GLIPR1L2: variants seen among roughly 807,000 people sequenced by gnomAD.
GLIPR1L2 encodes the protein GLIPR1-like protein 2.
GLIPR1L2 carries 21 observed loss-of-function variants against 28.4 expected under a neutral mutation model. The ratio of observed to expected loss-of-function variants is 0.74; its 90% CI spans 0.52 to 1.06. GLIPR1L2 has a LOEUF of 1.06. GLIPR1L2 is among the 50% of genes least tolerant of loss of function. GLIPR1L2 has a pLI of 0.00. For missense variants in GLIPR1L2, 476 were observed against 416.9 expected (o/e 1.14, Z -1.23); for synonymous variants, 145 against 139.3 (o/e 1.04, Z -0.29).
chr12:75,428,793 C>A (rs755665352), intron 4 of GLIPR1L2, among the ~76,000 whole-genome samples: 11 of 152,202 alleles, frequency 7.2e-5, no homozygotes, highest in Non-Finnish European at 1.5e-4. Context: ...CTCAAAGGGG[C>A]CAAGGTACAG....
In GLIPR1L2 at chr12:75,412,433, A is replaced by T. The variant is rs9795601; in HGVS notation, c.481-1165A>T. 4.1e-3 allele frequency among the ~76,000 whole-genome samples: 622 copies of T among 151,892 alleles called. 3 individuals carry two copies. Among genetic ancestry groups the T allele is most frequent in the African/African-American group, 0.014 (595 of 41,452 alleles). On this transcript the variant is annotated intron_variant, in intron 2 of 5. Coordinates refer to ENST00000550916, the MANE Select transcript of GLIPR1L2 (RefSeq NM_001270396.2). ...ACCTACAAAATGGGGGAAAATTTTC[A>T]CAACCTACACATCTGACAAAGGGCT...
rs540962764 is a variant in GLIPR1L2, at chr12:75,400,742, A to C, written c.234+9392A>C. Among the ~76,000 whole-genome samples the C allele has an allele frequency of 8.3e-4, 126 of 152,310 alleles. 1 individual carries two copies. Among genetic ancestry groups the C allele is most frequent in the African/African-American group, 2.8e-3 (115 of 41,586 alleles). ...CACTGGAGATTATAAGTGATAAAGC[A>C]TTCATGAAACAAAAAATATATACAG... On this transcript the variant is annotated intron_variant, in intron 1 of 5. Transcript: ENST00000550916.
chr12:75,404,947 A>G (rs2045780168), intron 1 of GLIPR1L2, among the ~76,000 whole-genome samples: 1 of 152,204 alleles, frequency 6.6e-6, no homozygotes, highest in Non-Finnish European at 1.5e-5. Flanking sequence ...TTTTAAACAT[A>G]AGTTTAAGTT....
In GLIPR1L2 at chr12:75,391,121, A is replaced by T. The variant is rs780961274; in HGVS notation, c.5A>T (p.Glu2Val). ...CCTGTCAGCGGCCGGTGGACCATGG[A>T]GGCCGCAAGGCCCTTCGCCCGGGAG... M[E>V]AARPFAREWR... The change falls in exon 1 of 6, where the codon GAG (glutamate) becomes GTG (valine). Residue 2 changes from glutamate to valine, a missense_variant. By Grantham distance (121) the Glu-to-Val change is moderately radical. Transcript: ENST00000550916. 1.2e-6 allele frequency: 2 copies of T among 1,611,646 alleles called. No homozygotes were observed. Among genetic ancestry groups the T allele is most frequent in the East Asian group, 2.2e-5 (1 of 44,834 alleles).
chr12:75,425,292 A>T (rs1003689994), intron 4 of GLIPR1L2, among the ~76,000 whole-genome samples: 1 of 152,122 alleles, frequency 6.6e-6, no homozygotes, highest in Non-Finnish European at 1.5e-5. Flanking sequence ...GGCCAAGAAG[A>T]ATAAGGAGAA....
At chr12:75,429,603 G>C (rs2046069586) in intron 4 of GLIPR1L2, among the ~76,000 whole-genome samples, 1 of 152,086 alleles carries the variant, frequency 6.6e-6, no homozygotes, top group Admixed American at 6.6e-5. Context: ...GATTTGGAAG[G>C]GGCTGTGGCA....
At chr12:75,398,328 C>CAAAAAAAAAAA (rs71078729) in intron 1 of GLIPR1L2, among the ~76,000 whole-genome samples, 6 of 87,908 alleles carry the variant, frequency 6.8e-5, no homozygotes, top group African/African-American at 1.4e-4. Context: ...GACTCCATCT[C>CAAAAAAAAAAA]AAAAAAAAAA....
intron 3 of GLIPR1L2, among the ~76,000 whole-genome samples, chr12:75,417,983 AAT>A (rs2045939838): frequency 6.6e-6 from 1 of 152,144 alleles, no homozygotes; most frequent in Admixed American, 6.6e-5. Flanking sequence ...GACCTAGGAA[AAT>A]ATATAGAGTG....
rs1319316582 is a variant in GLIPR1L2, at chr12:75,431,093, G to C, written c.967G>C (p.Glu323Gln). The change falls in exon 6 of 6, where the codon GAA becomes CAA. Residue 323 changes from glutamate to glutamine, a missense_variant. Coordinates refer to ENST00000550916, the MANE Select transcript of GLIPR1L2 (RefSeq NM_001270396.2). ...MEMEIMEMEE[E>Q]KEEREEEEEE... ...AATGGAAATAATGGAAATGGAGGAG[G>C]AAAAAGAAGAGAGAGAGGAGGAGGA... is the stretch of plus-strand genomic sequence containing the variant. 1 of 1,215,194 alleles carries C rather than the reference G, an allele frequency of 8.2e-7. No individual in the cohort carries two copies. Among genetic ancestry groups the C allele is most frequent in the Non-Finnish European group, 1.2e-6 (1 of 855,888 alleles). 75.3% of individuals were successfully genotyped at this position (1,215,194 alleles called of 1,614,324 possible).
chr12:75,391,207 C>T lies in GLIPR1L2; in HGVS notation c.91C>T (p.Leu31=), dbSNP rs1405904662. ...CGTTTTGAAGCTGCGGCTCTGTGAG[C>T]TGTGGCTACTGCTACTGGGTTCTAG... ...GGVLKLRLCE[L]WLLLLGSSLN... The change falls in exon 1 of 6, where the codon CTG becomes TTG. Residue 31 remains leucine, a synonymous_variant. Coordinates refer to ENST00000550916, the MANE Select transcript of GLIPR1L2 (RefSeq NM_001270396.2). The T allele has an allele frequency of 5.0e-6, 8 of 1,614,108 alleles. No individual in the cohort carries two copies. The highest frequency in any genetic ancestry group is 1.7e-5 in the Admixed American group (1 of 60,018).
chr12:75,412,713 G>A (rs2139946395), intron 2 of GLIPR1L2, among the ~76,000 whole-genome samples: 1 of 151,390 alleles, frequency 6.6e-6, no homozygotes, highest in East Asian at 1.9e-4. Flanking sequence ...TGGAGAGGAT[G>A]TGGAGAAATA....
intron 3 of GLIPR1L2, among the ~76,000 whole-genome samples, chr12:75,419,452 A>G (rs559730058): frequency 6.6e-6 from 1 of 152,282 alleles, no homozygotes; most frequent in Non-Finnish European, 1.5e-5. Flanking sequence ...GTAATGGAAA[A>G]CCCAAGTTAT....
chr12:75,418,045 C>T (rs1418344657), intron 3 of GLIPR1L2, among the ~76,000 whole-genome samples: 1 of 151,944 alleles, frequency 6.6e-6, no homozygotes, highest in Non-Finnish European at 1.5e-5. Context: ...CAGTTGACTA[C>T]AAGACCTTTC....
chr12:75,423,049 C>A, intron 4 of GLIPR1L2, 60 bp downstream of exon 4: 3 of 1,600,416 alleles, frequency 1.9e-6, no homozygotes, highest in South Asian at 1.1e-5. Context: ...GAAAAATAAG[C>A]GATTGAACAC....
rs188059934 is a variant in GLIPR1L2 at position 75,431,853 on chromosome 12, A to T, written c.*692A>T. 4.6e-5 allele frequency: 7 copies of T among 152,246 alleles called. No individual in the cohort carries two copies. The East Asian group carries it at 1.3e-3, about 29-fold the overall frequency. 9.4% of individuals were successfully genotyped at this position (152,246 alleles called of 1,614,324 possible). A position where few individuals can be genotyped will look rare whatever the true frequency, so the allele number is the denominator to read the frequency against. On this transcript the variant is annotated 3_prime_UTR_variant, in exon 6 of 6. Coordinates refer to ENST00000550916, the MANE Select transcript of GLIPR1L2 (RefSeq NM_001270396.2). ...GGAATCTGGGTGCTTCCAAATTTAT[A>T]TGATAAAATAAATAAATTTTTTAAA...
chr12:75,427,314 G>C lies in GLIPR1L2; in HGVS notation c.671-3401G>C, dbSNP rs929702236. On this transcript the variant is annotated intron_variant, in intron 4 of 5. Coordinates refer to ENST00000550916, the MANE Select transcript of GLIPR1L2 (RefSeq NM_001270396.2). ...ACTATTACATAACTGCTCATACTAA[G>C]GTATCAATAGACACACAAATACCAA... Among the ~76,000 whole-genome samples the C allele has an allele frequency of 3.2e-4, 49 of 151,944 alleles. 4 individuals are homozygous for C. Among genetic ancestry groups the C allele is most frequent in the Non-Finnish European group, 5.9e-5 (4 of 67,972 alleles).
chr12:75,407,474 A>G (rs935075707), intron 1 of GLIPR1L2, among the ~76,000 whole-genome samples: 1 of 152,148 alleles, frequency 6.6e-6, no homozygotes, highest in Non-Finnish European at 1.5e-5. Flanking sequence ...AAAACAAAAT[A>G]AAGGGGAGAA....
At chr12:75,420,763 T>C (rs2045968603) in intron 3 of GLIPR1L2, among the ~76,000 whole-genome samples, 1 of 152,214 alleles carries the variant, frequency 6.6e-6, no homozygotes, top group South Asian at 2.1e-4. Context: ...GTTCACTTTC[T>C]TAGAAACTCA....
rs571952488 is a variant in GLIPR1L2 at position 75,415,909 on chromosome 12, A to G, written c.584+2208A>G. ...GTCAAGGCCAACCTAGATAATGTCAATATTTTAAGGTCAGTGGTGCCTTAT... is the reference window on the plus strand; with the variant it reads ...GTCAAGGCCAACCTAGATAATGTCAGTATTTTAAGGTCAGTGGTGCCTTAT... On this transcript the variant is annotated intron_variant, in intron 3 of 5. Coordinates refer to ENST00000550916, the MANE Select transcript of GLIPR1L2 (RefSeq NM_001270396.2). 4.6e-5 allele frequency among the ~76,000 whole-genome samples: 7 copies of G among 152,214 alleles called. No homozygotes were observed. The South Asian group carries it at 1.4e-3, about 31-fold the overall frequency.
Sources: gnomAD v4.1 joint callset for allele counts (sites outside exome capture counted in the v4.1 genomes callset) on GRCh38, gnomAD v4.1.1 for gene constraint, MANE v1.5 for transcripts, NCBI Gene and HGNC (gene_info 2026-07-23, HGNC 2026-07-21) for gene names.